The following RLBP1 variants were observed in gnomAD, a reference collection of about 807,000 sequenced individuals.
RLBP1 encodes the protein retinaldehyde binding protein 1.
In RLBP1, 26 loss-of-function variants were observed where a neutral mutation model predicts 36.2. The ratio of observed to expected loss-of-function variants is 0.72; its 90% CI spans 0.53 to 1.00. The LOEUF (loss-of-function observed/expected upper bound fraction) is 1.00, where lower values mean the gene tolerates loss of function less well. RLBP1 is among the 50% of genes least tolerant of loss of function. The pLI, the probability that RLBP1 is intolerant of heterozygous loss-of-function variation, is 0.00. For missense variants in RLBP1, 410 were observed against 402.4 expected (o/e 1.02, Z -0.16); for synonymous variants, 155 against 156.2 (o/e 0.99, Z 0.06).
chr15:89,217,280 T>C lies in RLBP1; in HGVS notation c.186A>G (p.Ala62=), dbSNP rs1338043107. 2 of 1,609,536 alleles carry C rather than the reference T, an allele frequency of 1.2e-6. No homozygotes were observed. Among genetic ancestry groups the C allele is most frequent in the South Asian group, 2.2e-5 (2 of 91,090 alleles). ...GCACCATCTCCTGCAGCTCTCGCAC[T>C]GCCTCCTCCCGGGTCTCCTCTCTCT... is the stretch of plus-strand genomic sequence containing the variant. The part of the protein sequence containing the change: ...LNEREETREE[A]VRELQEMVQA... The change falls in exon 5 of 9, where the codon GCA becomes GCG. Residue 62 remains alanine (A), a synonymous_variant. Transcript: ENST00000268125.
intron 4 of RLBP1, among the ~76,000 whole-genome samples, chr15:89,217,925 G>T (rs573467208): frequency 6.6e-6 from 1 of 152,278 alleles, no homozygotes; most frequent in Non-Finnish European, 1.5e-5. Flanking sequence ...TCTCTCCTTG[G>T]ACAGCATGAG....
Position 89,215,194 on chromosome 15 carries a change from G to C in RLBP1, c.391C>G (p.Leu131Val). The C allele has an allele frequency of 6.2e-7, 1 of 1,614,208 alleles. No individual in the cohort carries two copies. The highest frequency in any genetic ancestry group is 2.2e-5 in the East Asian group (1 of 44,876). Residue 131 changes from leucine to valine, a missense_variant, in exon 6 of 9, where the codon CTG becomes GTG. Coordinates refer to ENST00000268125, the MANE Select transcript of RLBP1 (RefSeq NM_000326.5). ...GTGCAGCGGACAGCCTCTGGGGACAGGCTGTCAAAGAGCTCAGGGTACTGC... is the reference window on the plus strand; with the variant it reads ...GTGCAGCGGACAGCCTCTGGGGACACGCTGTCAAAGAGCTCAGGGTACTGC... ...RLQYPELFDSLSPEAVRCTIE... is the reference protein window; with the variant it reads ...RLQYPELFDSVSPEAVRCTIE...
chr15:89,217,427 C>A, intron 4 of RLBP1, 103 bp from the exon 5 acceptor site: 1 of 1,192,950 alleles, frequency 8.4e-7, no homozygotes, highest in Non-Finnish European at 1.2e-6. Flanking sequence ...GCCAAGGGGG[C>A]CCAGGGGTCT....
chr15:89,210,120 C>T lies in RLBP1; in HGVS notation c.*165G>A. On this transcript the variant is annotated 3_prime_UTR_variant, in exon 9 of 9. Coordinates refer to ENST00000268125, the MANE Select transcript of RLBP1 (RefSeq NM_000326.5). The surrounding 1 kb of genome is among the most constrained non-coding windows in gnomAD (Gnocchi z 4.7). ...AAGGGAATTCCCCCTCCTTTATTACCCATCCCCCAACTTGAGAACAGGGTG... is the reference window on the plus strand; with the variant it reads ...AAGGGAATTCCCCCTCCTTTATTACTCATCCCCCAACTTGAGAACAGGGTG... 2 of 738,560 alleles carry T rather than the reference C, an allele frequency of 2.7e-6. No homozygotes were observed. Among genetic ancestry groups the T allele is most frequent in the Admixed American group, 2.2e-5 (1 of 46,262 alleles). The allele number at this position is 738,560 out of a possible 1,614,324, so 45.8% of individuals were successfully genotyped here. A position where few individuals can be genotyped will look rare whatever the true frequency, so the allele number is the denominator to read the frequency against.
intron 6 of RLBP1, among the ~76,000 whole-genome samples, chr15:89,213,967 A>G (rs953167908): frequency 1.3e-5 from 2 of 152,224 alleles, no homozygotes; most frequent in African/African-American, 4.8e-5. Flanking sequence ...CAGATTAAAC[A>G]TGCCACAAAA....
Position 89,210,742 on chromosome 15 carries a change from T to C in RLBP1, c.752A>G (p.Tyr251Cys). ...IHQPWYFTTT[Y>C]NVVKPFLKSK... ...CTTCAAGAAGGGCTTGACCACATTG[T>C]AGGTCGTGGTGAAGTACCATGGCTG... The change falls in exon 8 of 9, where the codon TAC (tyrosine) becomes TGC (cysteine). Residue 251 changes from tyrosine to cysteine, a missense_variant. Transcript: ENST00000268125. The surrounding 1 kb of genome is among the most constrained non-coding windows in gnomAD (Gnocchi z 4.7). The C allele has an allele frequency of 1.2e-6, 2 of 1,603,382 alleles. No homozygotes were observed. Among genetic ancestry groups the C allele is most frequent in the Non-Finnish European group, 1.7e-6 (2 of 1,174,048 alleles).
Position 89,211,200 on chromosome 15 carries a change from G to GC in RLBP1, c.685-392dup, listed in dbSNP as rs2051535514. ...TATTATCATCCCTCATTGTCCATCAGCCCCTCCCACAACCTCCACCTCCCA... is the reference window on the plus strand; with the variant it reads ...TATTATCATCCCTCATTGTCCATCAGCCCCCTCCCACAACCTCCACCTCCCA... On this transcript the variant is annotated intron_variant, in intron 7 of 8. Coordinates refer to ENST00000268125, the MANE Select transcript of RLBP1 (RefSeq NM_000326.5). The surrounding 1 kb of genome is among the most constrained non-coding windows in gnomAD (Gnocchi z 5.8). Among the ~76,000 whole-genome samples, 1 of 152,080 alleles carries GC rather than the reference G, an allele frequency of 6.6e-6. No homozygotes were observed. Among genetic ancestry groups the GC allele is most frequent in the Admixed American group, 6.6e-5 (1 of 15,256 alleles).
chr15:89,217,370 G>T (rs781596214), intron 4 of RLBP1, 46 bp from the exon 5 acceptor site: 1 of 1,575,642 alleles, frequency 6.3e-7, no homozygotes, highest in Non-Finnish European at 8.6e-7. Context: ...AGGTGCGGGT[G>T]AGGGGCAGGA....
At chr15:89,216,816 T>C (rs891069118) in intron 5 of RLBP1, among the ~76,000 whole-genome samples, 6 of 152,334 alleles carry the variant, frequency 3.9e-5, no homozygotes, top group South Asian at 4.1e-4. Flanking sequence ...GGTGGGGGTC[T>C]GGAGGGGAAA....
Position 89,210,384 on chromosome 15 carries a change from C to T in RLBP1, c.855G>A (p.Leu285=), listed in dbSNP as rs915161576. The T allele has an allele frequency of 3.7e-6, 6 of 1,614,230 alleles. No homozygotes were observed. Among genetic ancestry groups the T allele is most frequent in the East Asian group, 2.2e-5 (1 of 44,888 alleles). Reference sequence around the variant, plus strand: ...GCAGCGTGCCCCCGAAGTCAGAGGGCAGGATGTTCTCATCGATCTCCTGGT... The same window carrying T: ...GCAGCGTGCCCCCGAAGTCAGAGGGTAGGATGTTCTCATCGATCTCCTGGT... ...GFYQEIDENI[L]PSDFGGTLPK... Residue 285 remains leucine, a synonymous_variant, in exon 9 of 9, where the codon CTG becomes CTA. Transcript: ENST00000268125. This position sits in a 1 kb window ranked among gnomAD's most constrained non-coding sequence, Gnocchi z 4.7.
chr15:89,218,875 A>G lies in RLBP1; in HGVS notation c.12+89T>C. The G allele has an allele frequency of 6.5e-7, 1 of 1,539,004 alleles. No homozygotes were observed. Among genetic ancestry groups the G allele is most frequent in the Non-Finnish European group, 8.9e-7 (1 of 1,117,342 alleles). ...GTGCCTATATTCCCGGGCAGAGCAT[A>G]AGATAGAGAAGTAAGGAGGGAGGGA... On this transcript the variant is annotated intron_variant, in intron 3 of 8. Coordinates refer to ENST00000268125, the MANE Select transcript of RLBP1 (RefSeq NM_000326.5). The surrounding 1 kb of genome is among the most constrained non-coding windows in gnomAD (Gnocchi z 4.6).
chr15:89,210,704 C>G lies in RLBP1; in HGVS notation c.790G>C (p.Glu264Gln), dbSNP rs1342712582. 1 of 1,592,038 alleles carries G rather than the reference C, an allele frequency of 6.3e-7. No homozygotes were observed. Residue 264 changes from glutamate (E) to glutamine (Q), a missense_variant, in exon 8 of 9, where the codon GAG becomes CAG. Physicochemically the swap from Glu to Gln is conservative, Grantham distance 29 (BLOSUM62 2). Coordinates refer to ENST00000268125, the MANE Select transcript of RLBP1 (RefSeq NM_000326.5). The surrounding 1 kb of genome is among the most constrained non-coding windows in gnomAD (Gnocchi z 4.7). ...VKPFLKSKLL[E>Q]RVFVHGDDLS... ...TGGGCGGCCCACGTACTCACCCTCT[C>G]AAGCAGCTTGCTCTTCAAGAAGGGC...
In RLBP1 at chr15:89,210,013, G is replaced by C; in HGVS notation, c.*272C>G. 2.0e-6 allele frequency: 1 copy of C among 504,290 alleles called. No individual in the cohort carries two copies. The allele number at this position is 504,290 out of a possible 1,614,324, so 31.2% of individuals were successfully genotyped here. On this transcript the variant is annotated 3_prime_UTR_variant, in exon 9 of 9. Transcript: ENST00000268125. The surrounding 1 kb of genome is among the most constrained non-coding windows in gnomAD (Gnocchi z 4.7). Reference sequence around the variant, plus strand: ...ACTGAGAAAATGAATTCGAGTCTTTGAAATACAACCTTACACAAAAATCAC... The same window carrying C: ...ACTGAGAAAATGAATTCGAGTCTTTCAAATACAACCTTACACAAAAATCAC...
chr15:89,214,432 G>A lies in RLBP1; in HGVS notation c.525+628C>T, dbSNP rs1279335380. 6.6e-6 allele frequency among the ~76,000 whole-genome samples: 1 copy of A among 152,224 alleles called. No individual in the cohort carries two copies. The highest frequency in any genetic ancestry group is 1.9e-4 in the East Asian group (1 of 5,192). On this transcript the variant is annotated intron_variant, in intron 6 of 8. Coordinates refer to ENST00000268125, the MANE Select transcript of RLBP1 (RefSeq NM_000326.5). This position sits in a 1 kb window ranked among gnomAD's most constrained non-coding sequence, Gnocchi z 4.6. ...GCTAAGATCATGCCACTGCACTCCAGCCTGGGTGACCAGAGCGAGACTCCA... is the reference window on the plus strand; with the variant it reads ...GCTAAGATCATGCCACTGCACTCCAACCTGGGTGACCAGAGCGAGACTCCA...
chr15:89,212,762 T>C (rs1250610502), intron 6 of RLBP1, among the ~76,000 whole-genome samples: 1 of 151,658 alleles, frequency 6.6e-6, no homozygotes, highest in African/African-American at 2.4e-5. Flanking sequence ...GGAGTCTTGC[T>C]CTGTCACCCA....
Position 89,217,236 on chromosome 15 carries a change from C to G in RLBP1, c.230G>C (p.Gly77Ala), listed in dbSNP as rs750355323. The G allele has an allele frequency of 1.2e-6, 2 of 1,612,464 alleles. No individual in the cohort carries two copies. Among genetic ancestry groups the G allele is most frequent in the Non-Finnish European group, 1.7e-6 (2 of 1,180,024 alleles). ...CGCCACGGCCACCGCCAGCTCCTCCCCCGAGGCCGCCTGCGCCTGCACCAT... is the reference window on the plus strand; with the variant it reads ...CGCCACGGCCACCGCCAGCTCCTCCGCCGAGGCCGCCTGCGCCTGCACCAT... ...QEMVQAQAAS[G>A]EELAVAVAER... Residue 77 changes from glycine (G) to alanine (A), a missense_variant, in exon 5 of 9, where the codon GGG becomes GCG. Coordinates refer to ENST00000268125, the MANE Select transcript of RLBP1 (RefSeq NM_000326.5).
Position 89,218,584 on chromosome 15 carries a change from G to A in RLBP1, c.122C>T (p.Pro41Leu). 1 of 1,614,108 alleles carries A rather than the reference G, an allele frequency of 6.2e-7. No individual in the cohort carries two copies. Among genetic ancestry groups the A allele is most frequent in the South Asian group, 1.1e-5 (1 of 91,076 alleles). The change falls in exon 4 of 9, where the codon CCC (proline) becomes CTC (leucine). Residue 41 changes from proline to leucine, a missense_variant. Transcript: ENST00000268125. The surrounding 1 kb of genome is among the most constrained non-coding windows in gnomAD (Gnocchi z 4.6). ...GPVFGPCSQL[P>L]RHTLQKAKDE... Reference sequence around the variant, plus strand: ...CCTCACCTTCTGCAAGGTGTGGCGGGGCAGCTGGCTGCACGGGCCAAAGAC... The same window carrying A: ...CCTCACCTTCTGCAAGGTGTGGCGGAGCAGCTGGCTGCACGGGCCAAAGAC...
In RLBP1 at chr15:89,215,170, T is replaced by G; in HGVS notation, c.415A>C (p.Thr139Pro). The G allele has an allele frequency of 6.2e-7, 1 of 1,614,194 alleles. No individual in the cohort carries two copies. Among genetic ancestry groups the G allele is most frequent in the African/African-American group, 1.3e-5 (1 of 75,058 alleles). ...DSLSPEAVRC[T>P]IEAGYPGVLS... ...ACACCAGGGTAGCCAGCTTCAATGG[T>G]GCAGCGGACAGCCTCTGGGGACAGG... The change falls in exon 6 of 9, where the codon ACC becomes CCC. Residue 139 changes from threonine (T) to proline (P), a missense_variant. By Grantham distance (38) the Thr-to-Pro change is conservative (BLOSUM62 -1). Transcript: ENST00000268125.
In RLBP1 at chr15:89,211,707, T is replaced by C; in HGVS notation, c.684+36A>G. 1.9e-6 allele frequency: 3 copies of C among 1,604,506 alleles called. No homozygotes were observed. The highest frequency in any genetic ancestry group is 2.6e-6 in the Non-Finnish European group (3 of 1,173,312). On this transcript the variant is annotated intron_variant, in intron 7 of 8. Transcript: ENST00000268125. The surrounding 1 kb of genome is among the most constrained non-coding windows in gnomAD (Gnocchi z 5.8). ...CCCAGCCTCTCAGCCTCCCCAGCTGTGGGAGGCTGCCGTGCGACAGAACTC... is the reference window on the plus strand; with the variant it reads ...CCCAGCCTCTCAGCCTCCCCAGCTGCGGGAGGCTGCCGTGCGACAGAACTC...
Sources: allele counts gnomAD v4.1 joint callset (sites outside exome capture counted in the v4.1 genomes callset), GRCh38; gene constraint gnomAD v4.1.1; non-coding constraint Gnocchi (gnomAD v3.1); transcripts MANE v1.5; gene names NCBI Gene and HGNC (gene_info 2026-07-23, HGNC 2026-07-21).